The following LRCH1 variants were observed in gnomAD, a reference collection of about 807,000 sequenced individuals.
The protein encoded by LRCH1 is leucine-rich repeat and calponin homology domain-containing protein 1.
LRCH1 carries 23 observed loss-of-function variants against 94.9 expected under a neutral mutation model. That is an observed-to-expected ratio of 0.24 (90% CI 0.17 to 0.34). The LOEUF (loss-of-function observed/expected upper bound fraction) is 0.34. Ranked by LOEUF, LRCH1 falls within the 10% of genes least tolerant of loss-of-function variation. The pLI, the probability that LRCH1 is intolerant of heterozygous loss-of-function variation, is 1.00. For missense variants in LRCH1, 790 were observed against 945.9 expected (o/e 0.84, Z 2.16); for synonymous variants, 364 against 354.9 (o/e 1.03, Z -0.29).
rs1452926768 is a variant in LRCH1 at position 46,657,504 on chromosome 13, T to C, written c.452+7159T>C. Among the ~76,000 whole-genome samples the C allele has an allele frequency of 1.3e-4, 3 of 23,496 alleles. No homozygotes were observed. In the South Asian group the frequency reaches 5.1e-3, roughly 40 times the overall value. 15.4% of individuals were successfully genotyped at this position (23,496 alleles called of 152,430 possible). A position where few individuals can be genotyped will look rare whatever the true frequency, so the allele number is the denominator to read the frequency against. ...TTTTACTTTTTCTTTTCTTTTCTTTTTTTTTTTTTTTTTTTTTTTTTTTTT... is the reference window on the plus strand; with the variant it reads ...TTTTACTTTTTCTTTTCTTTTCTTTCTTTTTTTTTTTTTTTTTTTTTTTTT... On this transcript the variant is annotated intron_variant, in intron 2 of 19. Coordinates refer to ENST00000389797, the MANE Select transcript of LRCH1 (RefSeq NM_001164211.2).
chr13:46,738,451 A>G (rs1593387611), intron 19 of LRCH1, among the ~76,000 whole-genome samples: 2 of 152,386 alleles, frequency 1.3e-5, no homozygotes, highest in South Asian at 4.1e-4. Context: ...AAGTCATAAT[A>G]GCGTTCCCAC....
intron 11 of LRCH1, among the ~76,000 whole-genome samples, chr13:46,701,570 C>T (rs1871475577): frequency 1.3e-5 from 2 of 152,006 alleles, no homozygotes; most frequent in Admixed American, 6.6e-5. Context: ...AAAATGTTTT[C>T]CAAAAAGGAA....
chr13:46,668,098 G>C (rs562672646), intron 2 of LRCH1, among the ~76,000 whole-genome samples: 1 of 152,354 alleles, frequency 6.6e-6, no homozygotes, highest in East Asian at 1.9e-4. Context: ...GGCAGAGAAA[G>C]AAAGGGAAAC....
chr13:46,628,660 G>GAA (rs749021332), intron 1 of LRCH1, among the ~76,000 whole-genome samples: 1,657 of 117,978 alleles, frequency 0.014, 46 homozygotes, highest in East Asian at 0.042. Context: ...CTGTCTCAGG[G>GAA]AAGAAAAAAA....
At chr13:46,740,657 T>C (rs541865404) in intron 19 of LRCH1, among the ~76,000 whole-genome samples, 1 of 152,362 alleles carries the variant, frequency 6.6e-6, no homozygotes, top group Non-Finnish European at 1.5e-5. Flanking sequence ...TTTCAATCTT[T>C]GTTTAATTTG....
At chr13:46,719,781 T>G (rs1465128597) in intron 16 of LRCH1, among the ~76,000 whole-genome samples, 10 of 152,082 alleles carry the variant, frequency 6.6e-5, no homozygotes, top group Non-Finnish European at 1.5e-5. Context: ...GTGGATCGCT[T>G]GAGGTCAGGA....
At chr13:46,556,273 CA>C (rs2050064337) in intron 1 of LRCH1, among the ~76,000 whole-genome samples, 2 of 152,086 alleles carry the variant, frequency 1.3e-5, no homozygotes, top group Non-Finnish European at 2.9e-5. Flanking sequence ...TGCACCTGGG[CA>C]ATATAGCCCA....
intron 2 of LRCH1, among the ~76,000 whole-genome samples, chr13:46,667,196 C>T (rs771475934): frequency 2.6e-5 from 4 of 152,114 alleles, no homozygotes; most frequent in Non-Finnish European, 5.9e-5. Flanking sequence ...CTTGCTAAAA[C>T]ATAGTTACAT....
At chr13:46,672,856 G>A (rs1382335258) in intron 3 of LRCH1, among the ~76,000 whole-genome samples, 1 of 152,214 alleles carries the variant, frequency 6.6e-6, no homozygotes. Context: ...TCTTACGAAT[G>A]AAGAAACCCG....
chr13:46,626,971 C>T (rs2050958176), intron 1 of LRCH1, among the ~76,000 whole-genome samples: 1 of 152,064 alleles, frequency 6.6e-6, no homozygotes, highest in Admixed American at 6.6e-5. Flanking sequence ...ATGAGTCATC[C>T]TCAAATTAAT....
chr13:46,634,125 G>A (rs1035211184), intron 1 of LRCH1, among the ~76,000 whole-genome samples: 10 of 152,032 alleles, frequency 6.6e-5, no homozygotes, highest in South Asian at 2.1e-4. Flanking sequence ...TGATCTGCCC[G>A]CCTCAGCCTC....
chr13:46,667,716 TAGG>T (rs1186070272), intron 2 of LRCH1, among the ~76,000 whole-genome samples: 1 of 152,054 alleles, frequency 6.6e-6, no homozygotes, highest in Non-Finnish European at 1.5e-5. Context: ...TTTTCACAAA[TAGG>T]AGCACTCGTA....
At chr13:46,718,447 A>G (rs1437942542) in intron 16 of LRCH1, among the ~76,000 whole-genome samples, 2 of 152,172 alleles carry the variant, frequency 1.3e-5, no homozygotes, top group Non-Finnish European at 2.9e-5. Flanking sequence ...GTTTTGTAAA[A>G]CTATAGTCAC....
intron 2 of LRCH1, among the ~76,000 whole-genome samples, chr13:46,654,814 C>T (rs1054429591): frequency 5.3e-5 from 8 of 152,150 alleles, no homozygotes; most frequent in African/African-American, 1.9e-4. Flanking sequence ...TTCTGTAGCA[C>T]TTAGAAATTT....
intron 1 of LRCH1, among the ~76,000 whole-genome samples, chr13:46,587,589 G>C (rs2050449558): frequency 6.6e-6 from 1 of 152,214 alleles, no homozygotes; most frequent in Non-Finnish European, 1.5e-5. Flanking sequence ...TGATGAACGA[G>C]TCTCTTTTTA....
At chr13:46,666,750 C>G (rs1209373160) in intron 2 of LRCH1, among the ~76,000 whole-genome samples, 1 of 152,166 alleles carries the variant, frequency 6.6e-6, no homozygotes, top group Non-Finnish European at 1.5e-5. Context: ...TGCTTGCCAC[C>G]TTTTAATAAA....
chr13:46,614,505 A>G (rs1293014803), intron 1 of LRCH1, among the ~76,000 whole-genome samples: 1 of 152,226 alleles, frequency 6.6e-6, no homozygotes, highest in Non-Finnish European at 1.5e-5. Flanking sequence ...AAAAAACCCA[A>G]ACTGTTCTTA....
intron 1 of LRCH1, among the ~76,000 whole-genome samples, chr13:46,603,074 C>G (rs1298903844): frequency 6.6e-6 from 1 of 152,080 alleles, no homozygotes; most frequent in Non-Finnish European, 1.5e-5. Context: ...TATCTGTATC[C>G]TGTGACTTCA....
chr13:46,673,801 C>T (rs766193291), intron 3 of LRCH1, among the ~76,000 whole-genome samples: 50 of 133,298 alleles, frequency 3.8e-4, no homozygotes, highest in Non-Finnish European at 5.9e-4. Flanking sequence ...GTCACCCAGG[C>T]TGGAGTGCAG....
Sources: allele counts gnomAD v4.1 joint callset (sites outside exome capture counted in the v4.1 genomes callset), GRCh38; gene constraint gnomAD v4.1.1; transcripts MANE v1.5; gene names NCBI Gene and HGNC (gene_info 2026-07-23, HGNC 2026-07-21).